CSMD1: variants seen among roughly 807,000 people sequenced by gnomAD.
The protein encoded by CSMD1 is CUB and sushi domain-containing protein 1.
A neutral mutation model predicts 417.5 loss-of-function variants in CSMD1; 213 were observed. The ratio of observed to expected loss-of-function variants is 0.51; its 90% CI spans 0.46 to 0.57. The LOEUF is 0.57. Among genes scored for constraint, CSMD1 ranks in the 20% least tolerant of loss-of-function variants. The pLI is 0.00. For missense variants in CSMD1, 6,923 were observed against 4,529.7 expected, an observed-to-expected ratio of 1.53 and a Z score of -15.17; for synonymous variants, 2,862 against 1,736.8, an observed-to-expected ratio of 1.65 and a Z score of -16.11.
chr8:4,645,879 G>A (rs183990950), intron 1 of CSMD1, among the ~76,000 whole-genome samples: 6 of 152,172 alleles, frequency 3.9e-5, no homozygotes, highest in South Asian at 4.1e-4. Context: ...TCCGCTCACT[G>A]TACTTAAACA....
intron 5 of CSMD1, among the ~76,000 whole-genome samples, chr8:3,944,776 A>G (rs1333578515): frequency 6.6e-6 from 1 of 152,156 alleles, no homozygotes; most frequent in African/African-American, 2.4e-5. Flanking sequence ...TTTCTTACAA[A>G]TACCCAAATG....
At chr8:3,193,625 G>A (rs950461147) in intron 33 of CSMD1, among the ~76,000 whole-genome samples, 1 of 152,064 alleles carries the variant, frequency 6.6e-6, no homozygotes, top group Non-Finnish European at 1.5e-5. Flanking sequence ...TCACACTGCT[G>A]TGAAGCCAAA....
At chr8:3,653,396 C>T (rs1046582193) in intron 7 of CSMD1, among the ~76,000 whole-genome samples, 1 of 152,084 alleles carries the variant, frequency 6.6e-6, no homozygotes, top group Non-Finnish European at 1.5e-5. Context: ...GCAACCTCCG[C>T]CTCCTGGATT....
intron 1 of CSMD1, among the ~76,000 whole-genome samples, chr8:4,713,874 T>G (rs887972863): frequency 5.9e-5 from 9 of 152,068 alleles, no homozygotes; most frequent in African/African-American, 1.9e-4. Context: ...AAGCCAAAAG[T>G]GGAGGTGGAG....
chr8:3,484,126 T>C (rs551214026), intron 11 of CSMD1, among the ~76,000 whole-genome samples: 1 of 152,336 alleles, frequency 6.6e-6, no homozygotes, highest in South Asian at 2.1e-4. Context: ...CTAGAATAGT[T>C]AAGTCTCTTG....
At chr8:3,170,952 C>T (rs1820546327) in intron 37 of CSMD1, among the ~76,000 whole-genome samples, 1 of 152,154 alleles carries the variant, frequency 6.6e-6, no homozygotes, top group Non-Finnish European at 1.5e-5. Flanking sequence ...AAAGCGGGCA[C>T]ACAATGTTGA....
intron 30 of CSMD1, among the ~76,000 whole-genome samples, chr8:3,213,758 T>A (rs1259561892): frequency 6.6e-6 from 1 of 150,948 alleles, no homozygotes; most frequent in East Asian, 1.9e-4. Context: ...TGTGTGTGTA[T>A]GTATATATAT....
chr8:2,992,647 G>T (rs534058918), intron 54 of CSMD1, among the ~76,000 whole-genome samples: 1 of 151,816 alleles, frequency 6.6e-6, no homozygotes, highest in Non-Finnish European at 1.5e-5. Context: ...GGCTGGTCTC[G>T]AACTCCTGAC....
At chr8:4,487,127 G>C (rs1801453797) in intron 2 of CSMD1, among the ~76,000 whole-genome samples, 1 of 152,022 alleles carries the variant, frequency 6.6e-6, no homozygotes, top group Admixed American at 6.6e-5. Flanking sequence ...GATCATATAA[G>C]GCACTATTTC....
At chr8:3,362,142 A>G (rs1429416566) in intron 20 of CSMD1, among the ~76,000 whole-genome samples, 1 of 152,212 alleles carries the variant, frequency 6.6e-6, no homozygotes, top group East Asian at 1.9e-4. Flanking sequence ...TAAGAATGAG[A>G]TAAACAACCA....
chr8:3,449,558 C>T (rs1486508708), intron 12 of CSMD1, among the ~76,000 whole-genome samples: 3 of 151,726 alleles, frequency 2.0e-5, no homozygotes, highest in Non-Finnish European at 4.4e-5. Flanking sequence ...TCTCTTGTTG[C>T]CCAGGCTGGA....
chr8:4,736,702 T>C (rs1385820656), intron 1 of CSMD1, among the ~76,000 whole-genome samples: 1 of 152,096 alleles, frequency 6.6e-6, no homozygotes, highest in African/African-American at 2.4e-5. Context: ...AAAAGAATAA[T>C]TTAAGAAAAA....
At chr8:4,452,362 A>G (rs985498186) in intron 2 of CSMD1, among the ~76,000 whole-genome samples, 2 of 152,188 alleles carry the variant, frequency 1.3e-5, no homozygotes, top group Admixed American at 6.5e-5. Context: ...TGGGGTGACA[A>G]GTACAATACA....
intron 54 of CSMD1, among the ~76,000 whole-genome samples, chr8:2,983,314 G>A (rs1265343822): frequency 1.3e-5 from 2 of 151,932 alleles, no homozygotes; most frequent in African/African-American, 4.8e-5. Context: ...AGCCTCCCGA[G>A]TAGCTGGTAC....
chr8:3,155,359 A>AGTTTTTTTTTTTTT (rs1819453067), intron 39 of CSMD1, among the ~76,000 whole-genome samples: 1 of 43,316 alleles, frequency 2.3e-5, no homozygotes, highest in Non-Finnish European at 4.7e-5. Context: ...CAAGGCTGGG[A>AGTTTTTTTTTTTTT]TTTTTTTTTT....
intron 5 of CSMD1, among the ~76,000 whole-genome samples, chr8:3,997,487 G>T (rs189523951): frequency 6.6e-6 from 1 of 152,146 alleles, no homozygotes; most frequent in East Asian, 1.9e-4. Context: ...CAGTCTTCAC[G>T]AAGAAAAAGG....
At chr8:3,519,552 G>T (rs142909128) in intron 10 of CSMD1, among the ~76,000 whole-genome samples, 21 of 152,186 alleles carry the variant, frequency 1.4e-4, no homozygotes, top group African/African-American at 5.1e-4. Flanking sequence ...GACCTTCCCC[G>T]CCATGAGGAC....
At chr8:4,160,728 A>C (rs1171754256) in intron 3 of CSMD1, among the ~76,000 whole-genome samples, 1 of 152,174 alleles carries the variant, frequency 6.6e-6, no homozygotes, top group Admixed American at 6.5e-5. Context: ...AGTTGCAATT[A>C]TTTTCTATAA....
intron 1 of CSMD1, among the ~76,000 whole-genome samples, chr8:4,727,557 C>T (rs1809540601): frequency 6.6e-6 from 1 of 152,128 alleles, no homozygotes; most frequent in African/African-American, 2.4e-5. Flanking sequence ...TGGTGCAGAA[C>T]TCCACTATGC....
Sources: allele counts gnomAD v4.1 joint callset (sites outside exome capture counted in the v4.1 genomes callset), GRCh38; gene constraint gnomAD v4.1.1; transcripts MANE v1.5; gene names NCBI Gene and HGNC (gene_info 2026-07-23, HGNC 2026-07-21).